The following VPS45 variants were observed in gnomAD, a reference collection of about 807,000 sequenced individuals.
VPS45 encodes the protein vacuolar protein sorting 45 homolog.
In VPS45, 35 loss-of-function variants were observed where a neutral mutation model predicts 75.9. The observed-to-expected ratio is 0.46, with a 90% confidence interval of 0.35 to 0.61. VPS45 has a LOEUF of 0.61. Among genes scored for constraint, VPS45 ranks in the 20% least tolerant of loss-of-function variants. VPS45 has a pLI of 0.00. For missense variants in VPS45, 559 were observed against 685.9 expected (o/e 0.81, Z 2.07); for synonymous variants, 220 against 238.2 (o/e 0.92, Z 0.70).
chr1:150,081,699 A>T (rs1655722460), intron 8 of VPS45, among the ~76,000 whole-genome samples, 185 bp from the exon 9 acceptor site: 1 of 152,142 alleles, frequency 6.6e-6, no homozygotes, highest in Admixed American at 6.5e-5. Context: ...TCTCCCCTCC[A>T]GTAGCTGTTT....
intron 3 of VPS45, among the ~76,000 whole-genome samples, chr1:150,075,349 A>G (rs1467361417): frequency 6.6e-6 from 1 of 151,926 alleles, no homozygotes; most frequent in Non-Finnish European, 1.5e-5. Context: ...GTAGTTTAAC[A>G]TGTTCCTTGA....
rs1232568768 is a variant in VPS45, at chr1:150,076,164, T to C, written c.290-69T>C. 6 of 1,197,664 alleles carry C rather than the reference T, an allele frequency of 5.0e-6. No homozygotes were observed. The African/African-American group carries it at 9.3e-5, about 19-fold the overall frequency. The allele number at this position is 1,197,664 out of a possible 1,614,324, so 74.2% of individuals were successfully genotyped here. Reference sequence around the variant, plus strand: ...TCACTTATTCATTAGGCTTTAACTATCAGGCCCTTTTACATATATTGCAGC... The same window carrying C: ...TCACTTATTCATTAGGCTTTAACTACCAGGCCCTTTTACATATATTGCAGC... On this transcript the variant is annotated intron_variant, in intron 3 of 14. Coordinates refer to ENST00000644510, the MANE Select transcript of VPS45 (RefSeq NM_007259.5).
rs1655454334 is a variant in VPS45 at position 150,077,383 on chromosome 1, A to G, written c.576+152A>G. On this transcript the variant is annotated intron_variant, in intron 6 of 14. Coordinates refer to ENST00000644510, the MANE Select transcript of VPS45 (RefSeq NM_007259.5). ...GAGGTAGGTATATGTAATTTAAAAC[A>G]AAAAGCAACAATTAGAGCTAAGATT... 5.0e-6 allele frequency: 5 copies of G among 1,001,244 alleles called. No homozygotes were observed. In the South Asian group the frequency reaches 8.7e-5, roughly 17 times the overall value. 62.0% of individuals were successfully genotyped at this position (1,001,244 alleles called of 1,614,324 possible).
intron 14 of VPS45, among the ~76,000 whole-genome samples, chr1:150,143,614 G>C (rs1659524821): frequency 6.6e-6 from 1 of 150,496 alleles, no homozygotes; most frequent in Admixed American, 6.6e-5. Context: ...GATTTCAGCA[G>C]AGAAAGAATA....
chr1:150,097,314 GACCTCGTGATCCGCCCGCCTC>G (rs1204990115), intron 13 of VPS45, among the ~76,000 whole-genome samples: 8 of 151,004 alleles, frequency 5.3e-5, no homozygotes, highest in South Asian at 2.1e-4. Context: ...TCGAACTCCT[GACCTCGTGATCCGCCCGCCTC>G]ACCTCGTGAT....
intron 13 of VPS45, among the ~76,000 whole-genome samples, chr1:150,100,299 G>A (rs979009546): frequency 6.6e-6 from 1 of 152,144 alleles, no homozygotes; most frequent in African/African-American, 2.4e-5. Context: ...GCTCTACAGT[G>A]AGAATTACAA....
At chr1:150,094,911 A>G (rs1413855701) in intron 13 of VPS45, among the ~76,000 whole-genome samples, 1 of 152,238 alleles carries the variant, frequency 6.6e-6, no homozygotes, top group Non-Finnish European at 1.5e-5. Context: ...TACATAATTC[A>G]TTCCCACACA....
At chr1:150,076,077 T>TATATATATATATATATATATATATAA (rs1313052333) in intron 3 of VPS45, among the ~76,000 whole-genome samples, 156 bp from the exon 4 acceptor site, 129 of 148,738 alleles carry the variant, frequency 8.7e-4, no homozygotes, top group African/African-American at 3.0e-3. Flanking sequence ...TATATATATA[T>TATATATATATATATATATATATATAA]ATATATAAAA....
intron 14 of VPS45, among the ~76,000 whole-genome samples, chr1:150,116,000 A>G (rs1377495600): frequency 6.6e-6 from 1 of 152,082 alleles, no homozygotes; most frequent in Non-Finnish European, 1.5e-5. Context: ...CTCACTTTCC[A>G]AAGAAGTTAG....
chr1:150,142,899 C>T (rs781842865), intron 14 of VPS45: 5 of 449,220 alleles, frequency 1.1e-5, no homozygotes, highest in East Asian at 1.4e-4. Context: ...GCGATCCACC[C>T]GCCTCAGCCT....
Position 150,067,804 on chromosome 1 carries a change from T to G in VPS45, c.-54T>G. 1 of 1,583,050 alleles carries G rather than the reference T, an allele frequency of 6.3e-7. No individual in the cohort carries two copies. The highest frequency in any genetic ancestry group is 1.1e-5 in the South Asian group (1 of 89,994). ...ACCCGGCCAACAGACTGGGGGTTAA[T>G]TTAGCCAGAAAAGGGGGCGGGAAGG... On this transcript the variant is annotated 5_prime_UTR_variant, in exon 1 of 15. Transcript: ENST00000644510.
intron 14 of VPS45, among the ~76,000 whole-genome samples, chr1:150,126,286 C>T (rs756713595): frequency 2.0e-5 from 3 of 152,068 alleles, no homozygotes; most frequent in Non-Finnish European, 4.4e-5. Flanking sequence ...TCTCGGCTCA[C>T]TGCAAGCTCC....
chr1:150,143,184 G>A (rs1659488798), intron 14 of VPS45, among the ~76,000 whole-genome samples: 1 of 152,184 alleles, frequency 6.6e-6, no homozygotes, highest in African/African-American at 2.4e-5. Context: ...GCATGGAGGG[G>A]TCTGGAAGGG....
chr1:150,133,828 T>G (rs1553812972), intron 14 of VPS45, among the ~76,000 whole-genome samples: 1 of 152,218 alleles, frequency 6.6e-6, no homozygotes, highest in African/African-American at 2.4e-5. Context: ...TTTAACCCTG[T>G]GGACGATGAG....
intron 14 of VPS45, among the ~76,000 whole-genome samples, chr1:150,122,580 T>A (rs1383817285): frequency 6.6e-6 from 1 of 151,706 alleles, no homozygotes; most frequent in Non-Finnish European, 1.5e-5. Context: ...TGGGTTGGGG[T>A]TTTTTTTAAT....
At chr1:150,099,071 T>C (rs587739520) in intron 13 of VPS45, 1 of 1,040,726 alleles carries the variant, frequency 9.6e-7, no homozygotes, top group African/African-American at 1.7e-5. Context: ...TCATAAGAAC[T>C]GTACCATTTG....
At chr1:150,087,815 A>T (rs953019188) in intron 10 of VPS45, among the ~76,000 whole-genome samples, 12 of 152,186 alleles carry the variant, frequency 7.9e-5, no homozygotes, top group Admixed American at 7.9e-4. Flanking sequence ...AAAAGTAGGC[A>T]AAATAATTAC....
At chr1:150,138,071 C>CT (rs1242491780) in intron 14 of VPS45, among the ~76,000 whole-genome samples, 1 of 152,098 alleles carries the variant, frequency 6.6e-6, no homozygotes, top group Non-Finnish European at 1.5e-5. Context: ...CTCACTGTCT[C>CT]TAATTCCTTC....
intron 14 of VPS45, among the ~76,000 whole-genome samples, chr1:150,134,701 C>T (rs1398982496): frequency 6.6e-6 from 1 of 152,136 alleles, no homozygotes; most frequent in African/African-American, 2.4e-5. Flanking sequence ...TTCTAAGATT[C>T]ATCTGTATTG....
Sources: gnomAD v4.1 joint callset for allele counts (sites outside exome capture counted in the v4.1 genomes callset) on GRCh38, gnomAD v4.1.1 for gene constraint, MANE v1.5 for transcripts, NCBI Gene and HGNC (gene_info 2026-07-23, HGNC 2026-07-21) for gene names.